Variants in WDPCP observed in about 807,000 individuals in gnomAD.
WDPCP encodes the protein WD repeat-containing and planar cell polarity effector protein fritz homolog.
In WDPCP, 71 loss-of-function variants were observed where a neutral mutation model predicts 93.1. The observed-to-expected ratio is 0.76, with a 90% CI of 0.63 to 0.93. The LOEUF (loss-of-function observed/expected upper bound fraction) is 0.93. Among genes scored for constraint, WDPCP ranks in the 40% least tolerant of loss-of-function variants. WDPCP has a pLI of 0.00. For missense variants in WDPCP, 844 were observed against 887.4 expected, an observed-to-expected ratio of 0.95 and a Z score of 0.62; for synonymous variants, 315 against 315.0, an observed-to-expected ratio of 1.00 and a Z score of 0.00.
rs1313593325 is a variant in WDPCP, at chr2:63,504,665, C to T, written c.76-11725G>A. On this transcript the variant is annotated intron_variant, in intron 1 of 17. Coordinates refer to ENST00000272321, the MANE Select transcript of WDPCP (RefSeq NM_015910.7). The stretch of plus-strand genomic sequence containing the variant: ...AAATGGAGCCTTTTGACCCCTGAGA[C>T]AAATGTCAGTTTAGACTTGTATAAT... Among the ~76,000 whole-genome samples the T allele has an allele frequency of 3.3e-5, 5 of 151,880 alleles. No individual in the cohort carries two copies. The East Asian group carries it at 9.6e-4, about 29-fold the overall frequency.
chr2:63,232,262 T>C (rs541980149), intron 14 of WDPCP, among the ~76,000 whole-genome samples: 12 of 152,254 alleles, frequency 7.9e-5, no homozygotes, highest in Non-Finnish European at 1.0e-4. Flanking sequence ...ATTCAGACCA[T>C]AGGCATGGCC....
At chr2:63,653,935 A>T (rs963142462) in intron 2 of WDPCP, among the ~76,000 whole-genome samples, 1 of 151,974 alleles carries the variant, frequency 6.6e-6, no homozygotes, top group East Asian at 1.9e-4. Context: ...ATTACTAGAC[A>T]TGCAAAGACA....
intron 1 of WDPCP, among the ~76,000 whole-genome samples, chr2:63,536,237 A>G (rs1301483397): frequency 2.0e-5 from 3 of 151,856 alleles, no homozygotes; most frequent in African/African-American, 7.2e-5. Flanking sequence ...GGCTGTGGAG[A>G]AATAACGCTT....
At chr2:63,346,283 C>A (rs576574810) in intron 12 of WDPCP, among the ~76,000 whole-genome samples, 1 of 152,094 alleles carries the variant, frequency 6.6e-6, no homozygotes, top group Non-Finnish European at 1.5e-5. Flanking sequence ...CATCTGAAGC[C>A]GAGATGAGAT....
chr2:63,481,926 A>G (rs1700286785), intron 6 of WDPCP, among the ~76,000 whole-genome samples: 1 of 151,960 alleles, frequency 6.6e-6, no homozygotes, highest in African/African-American at 2.4e-5. Context: ...AAATAAAAAC[A>G]GGAGAAAAAA....
At chr2:63,422,341 A>G (rs1654373097) in intron 9 of WDPCP, among the ~76,000 whole-genome samples, 1 of 152,224 alleles carries the variant, frequency 6.6e-6, no homozygotes, top group African/African-American at 2.4e-5. Context: ...GATTACAATT[A>G]TAATTTAGGA....
rs904012293 is a variant in WDPCP, at chr2:63,496,805, T to A, written c.76-3865A>T. Among the ~76,000 whole-genome samples the A allele has an allele frequency of 2.6e-5, 4 of 152,098 alleles. No individual in the cohort carries two copies. In the South Asian group the frequency reaches 8.3e-4, roughly 31 times the overall value. On this transcript the variant is annotated intron_variant, in intron 1 of 17. Coordinates refer to ENST00000272321, the MANE Select transcript of WDPCP (RefSeq NM_015910.7). ...GACCCTTTTGTGGCCCCACAGGGAATCTATCATATAAGGATGGGGAAGCAG... is the reference window on the plus strand; with the variant it reads ...GACCCTTTTGTGGCCCCACAGGGAAACTATCATATAAGGATGGGGAAGCAG...
chr2:63,687,575 A>G (rs531148736), intron 2 of WDPCP, among the ~76,000 whole-genome samples: 1 of 152,362 alleles, frequency 6.6e-6, no homozygotes, highest in South Asian at 2.1e-4. Flanking sequence ...AAACAGGCAT[A>G]TGAAAAGGTG....
chr2:63,604,955 C>T, intron 3 of WDPCP: 1 of 1,386,118 alleles, frequency 7.2e-7, no homozygotes, highest in Admixed American at 2.0e-5. Flanking sequence ...TTAAAGAGGG[C>T]AGGTCTTTCA....
rs1684115411 is a variant in WDPCP at position 63,287,718 on chromosome 2, G to C, written c.1812+25530C>G. On this transcript the variant is annotated intron_variant, in intron 13 of 17. Transcript: ENST00000272321. ...CATCTTCCATCATTTCCAGAGATTT[G>C]GCACAGAAGTAGAAGAGATTTATGT... Among the ~76,000 whole-genome samples, 4 of 152,218 alleles carry C rather than the reference G, an allele frequency of 2.6e-5. No homozygotes were observed. In the South Asian group the frequency reaches 8.3e-4, roughly 32 times the overall value.
At chr2:63,139,224 T>G (rs898457365) in intron 17 of WDPCP, among the ~76,000 whole-genome samples, 1 of 152,118 alleles carries the variant, frequency 6.6e-6, no homozygotes, top group Non-Finnish European at 1.5e-5. Context: ...CACTTGTTGA[T>G]GATGGGCATT....
chr2:63,175,502 A>G (rs545666759), intron 14 of WDPCP, among the ~76,000 whole-genome samples: 1 of 152,240 alleles, frequency 6.6e-6, no homozygotes, highest in Admixed American at 6.5e-5. Flanking sequence ...ACAGTTCAAT[A>G]GTGTTAAGTG....
intron 2 of WDPCP, among the ~76,000 whole-genome samples, chr2:63,678,908 T>A (rs1188020241): frequency 6.6e-6 from 1 of 152,122 alleles, no homozygotes; most frequent in African/African-American, 2.4e-5. Context: ...AGCTACCTGA[T>A]CCCTGCTACA....
At chr2:63,603,029 G>A (rs1054768271) in intron 3 of WDPCP, among the ~76,000 whole-genome samples, 3 of 126,672 alleles carry the variant, frequency 2.4e-5, no homozygotes, top group East Asian at 2.3e-4. Context: ...GCACGATCTC[G>A]GCTCACTGCA....
intron 14 of WDPCP, among the ~76,000 whole-genome samples, chr2:63,199,701 T>C (rs1323318343): frequency 6.6e-6 from 1 of 152,224 alleles, no homozygotes; most frequent in East Asian, 1.9e-4. Flanking sequence ...ATGGAGAACT[T>C]CTACTACAGC....
intron 12 of WDPCP, among the ~76,000 whole-genome samples, chr2:63,326,139 C>A (rs563141221): frequency 6.6e-6 from 1 of 152,188 alleles, no homozygotes; most frequent in South Asian, 2.1e-4. Flanking sequence ...ATCGGACAAC[C>A]GCCTACTTAG....
chr2:63,299,023 G>C (rs1685114619), intron 13 of WDPCP, among the ~76,000 whole-genome samples: 1 of 152,208 alleles, frequency 6.6e-6, no homozygotes, highest in Non-Finnish European at 1.5e-5. Context: ...TCTACCTGTT[G>C]ATTTCCAGGT....
chr2:63,579,529 G>C (rs1326961541), intron 1 of WDPCP, among the ~76,000 whole-genome samples: 3 of 152,124 alleles, frequency 2.0e-5, no homozygotes, highest in Non-Finnish European at 4.4e-5. Context: ...AGAATCACTT[G>C]AACCCAGGAG....
At chr2:63,570,678 A>C (rs1707422355) in intron 1 of WDPCP, among the ~76,000 whole-genome samples, 1 of 152,226 alleles carries the variant, frequency 6.6e-6, no homozygotes, top group South Asian at 2.1e-4. Flanking sequence ...AGTACACTAG[A>C]GATGGGAATT....
Sources: allele counts gnomAD v4.1 joint callset (sites outside exome capture counted in the v4.1 genomes callset), GRCh38; gene constraint gnomAD v4.1.1; transcripts MANE v1.5; gene names NCBI Gene and HGNC (gene_info 2026-07-23, HGNC 2026-07-21).